CABIN1: variants seen among roughly 807,000 people sequenced by gnomAD.
CABIN1 encodes the protein calcineurin-binding protein cabin-1.
A neutral mutation model predicts 227.7 loss-of-function variants in CABIN1; 133 were observed. The ratio of observed to expected loss-of-function variants is 0.58; its 90% CI spans 0.51 to 0.67. The LOEUF is 0.67. CABIN1 is among the 30% of genes least tolerant of loss of function. CABIN1 has a pLI of 0.00. For missense variants in CABIN1, 2,408 were observed against 2,852.5 expected, an observed-to-expected ratio of 0.84 and a Z score of 3.55; for synonymous variants, 1,086 against 1,155.1, an observed-to-expected ratio of 0.94 and a Z score of 1.21.
intron 28 of CABIN1, among the ~76,000 whole-genome samples, chr22:24,126,817 G>A (rs573150857): frequency 6.6e-6 from 1 of 152,210 alleles, no homozygotes; most frequent in Admixed American, 6.5e-5. Flanking sequence ...TGGCCAACAT[G>A]GCAAAACCCC....
chr22:24,137,670 T>C (rs1260296542), intron 29 of CABIN1, among the ~76,000 whole-genome samples: 3 of 152,252 alleles, frequency 2.0e-5, no homozygotes, highest in Non-Finnish European at 4.4e-5. Flanking sequence ...TCTTTAGAGA[T>C]AGGTTTGGGC....
chr22:24,171,534 G>A (rs975332198), intron 33 of CABIN1, among the ~76,000 whole-genome samples, 179 bp from the exon 34 acceptor site: 1 of 152,248 alleles, frequency 6.6e-6, no homozygotes, highest in African/African-American at 2.4e-5. Flanking sequence ...CTGATGGGGT[G>A]CCTCTCTGAT....
At chr22:24,171,601 G>T in intron 33 of CABIN1, 112 bp from the exon 34 acceptor site, 1 of 1,287,776 alleles carries the variant, frequency 7.8e-7, no homozygotes, top group Non-Finnish European at 1.1e-6. Context: ...AGTGTTGGCA[G>T]CCCCAGGCGC....
chr22:24,131,585 CCT>C (rs2044075824), intron 28 of CABIN1, among the ~76,000 whole-genome samples: 1 of 152,210 alleles, frequency 6.6e-6, no homozygotes, highest in African/African-American at 2.4e-5. Flanking sequence ...TTGGCTAGGC[CCT>C]GACTGCCCCA....
At position 24,176,159 on chromosome 22, in the gene CABIN1, A is replaced by G. The variant is rs1292401468; in HGVS notation, c.6089A>G (p.Gln2030Arg). 6.2e-7 allele frequency: 1 copy of G among 1,610,946 alleles called. No homozygotes were observed. The highest frequency in any genetic ancestry group is 1.7e-5 in the Admixed American group (1 of 59,758). ...RVAEGTSFPPQEPRHSPQVKM... is the reference protein window; with the variant it reads ...RVAEGTSFPPREPRHSPQVKM... ...GCAGAGGGCACCAGCTTCCCGCCTC[A>G]GGAGCCACGGCACAGTCCGCAGGTG... The change falls in exon 35 of 37, where the codon CAG becomes CGG. Residue 2030 changes from glutamine to arginine, a missense_variant. Transcript: ENST00000263119.
chr22:24,173,026 GC>G (rs1355668583), intron 34 of CABIN1: 2 of 152,248 alleles, frequency 1.3e-5, no homozygotes, highest in Non-Finnish European at 2.9e-5. Flanking sequence ...GGTTCCCTGT[GC>G]CCCTGGGGAC....
intron 29 of CABIN1, among the ~76,000 whole-genome samples, chr22:24,139,544 C>T (rs933112632): frequency 1.5e-4 from 23 of 149,714 alleles, no homozygotes; most frequent in Non-Finnish European, 3.0e-4. Flanking sequence ...CCAGCCTGGG[C>T]GACAGAGCAA....
intron 18 of CABIN1, 89 bp from the exon 19 acceptor site, chr22:24,076,080 C>T (rs2040418699): frequency 9.3e-6 from 8 of 857,702 alleles, no homozygotes; most frequent in African/African-American, 1.7e-5. Context: ...GACAGAAAAG[C>T]CCGAAAAGAG....
intron 32 of CABIN1, among the ~76,000 whole-genome samples, 171 bp from the exon 33 acceptor site, chr22:24,168,276 G>T (rs576884890): frequency 6.6e-6 from 1 of 152,248 alleles, no homozygotes. Flanking sequence ...TCTAGATGCG[G>T]ACAGCAGTGG....
chr22:24,055,553 T>C (rs1484145110), intron 9 of CABIN1, among the ~76,000 whole-genome samples: 2 of 152,252 alleles, frequency 1.3e-5, no homozygotes, highest in Admixed American at 6.5e-5. Context: ...CATCCTGAGT[T>C]CTTTGATCTT....
At chr22:24,161,742 C>T (rs115298200) in intron 29 of CABIN1, among the ~76,000 whole-genome samples, 1,980 of 152,328 alleles carry the variant, frequency 0.013, 41 homozygotes, top group African/African-American at 0.045. Flanking sequence ...CCCTGAGGCC[C>T]GAACGTGAGT....
At chr22:24,035,256 A>T (rs1304899581) in intron 1 of CABIN1, among the ~76,000 whole-genome samples, 188 bp from the exon 2 acceptor site, 2 of 152,178 alleles carry the variant, frequency 1.3e-5, no homozygotes, top group Non-Finnish European at 2.9e-5. Flanking sequence ...TTGCCAGGAA[A>T]TGATGAATGC....
chr22:24,152,348 G>A (rs769843478), intron 29 of CABIN1, among the ~76,000 whole-genome samples: 3 of 152,302 alleles, frequency 2.0e-5, no homozygotes, highest in Non-Finnish European at 4.4e-5. Context: ...GTGGAGCTGT[G>A]GGCATCTGGA....
intron 24 of CABIN1, among the ~76,000 whole-genome samples, chr22:24,094,583 C>T (rs1373490267): frequency 4.6e-5 from 7 of 151,276 alleles, no homozygotes; most frequent in East Asian, 1.9e-4. Context: ...TTTGGGAGGC[C>T]GAGGCGGGTG....
intron 14 of CABIN1, among the ~76,000 whole-genome samples, chr22:24,063,559 G>A (rs1332061436): frequency 6.6e-6 from 1 of 152,188 alleles, no homozygotes; most frequent in African/African-American, 2.4e-5. Flanking sequence ...TTCTGGGAAA[G>A]CTTCCCTTCA....
chr22:24,017,285 C>G (rs957466557), intron 1 of CABIN1, among the ~76,000 whole-genome samples: 1 of 152,130 alleles, frequency 6.6e-6, no homozygotes, highest in Non-Finnish European at 1.5e-5. Flanking sequence ...CATCCGCCTG[C>G]CTCAGCCTCC....
intron 5 of CABIN1, 70 bp from the exon 6 acceptor site, chr22:24,042,834 G>A: frequency 6.1e-6 from 4 of 651,460 alleles, no homozygotes; most frequent in Non-Finnish European, 8.2e-6. Flanking sequence ...GTGTGTGTGT[G>A]TGTGTGTGTG....
At chr22:24,122,676 C>G (rs2043488626) in intron 28 of CABIN1, among the ~76,000 whole-genome samples, 1 of 151,848 alleles carries the variant, frequency 6.6e-6, no homozygotes, top group Non-Finnish European at 1.5e-5. Context: ...TCATTTCACT[C>G]CAGCCTGGGC....
intron 9 of CABIN1, among the ~76,000 whole-genome samples, chr22:24,055,963 G>A (rs2146287264): frequency 6.6e-6 from 1 of 152,312 alleles, no homozygotes; most frequent in Non-Finnish European, 1.5e-5. Flanking sequence ...AAGTAATCTT[G>A]AAATCTGGCT....
Sources: allele counts gnomAD v4.1 joint callset (sites outside exome capture counted in the v4.1 genomes callset), GRCh38; gene constraint gnomAD v4.1.1; transcripts MANE v1.5; gene names NCBI Gene and HGNC (gene_info 2026-07-23, HGNC 2026-07-21).